Variants in ZNF550 observed in about 807,000 individuals in gnomAD.
ZNF550 encodes zinc finger protein 550.
Under a neutral mutation model 40.2 loss-of-function variants are expected in ZNF550, and 42 were observed. The observed-to-expected ratio is 1.05, with a 90% CI of 0.82 to 1.35. The LOEUF is 1.35. Ranked by LOEUF, ZNF550 falls within the 40% of genes most tolerant of loss-of-function variation. ZNF550 has a pLI of 0.00. For missense variants in ZNF550, 549 were observed against 525.2 expected (o/e 1.05, Z -0.44); for synonymous variants, 223 against 198.6 (o/e 1.12, Z -1.03).
intron 4 of ZNF550, among the ~76,000 whole-genome samples, chr19:57,546,142 G>T (rs2090006989): frequency 6.6e-6 from 1 of 152,044 alleles, no homozygotes; most frequent in South Asian, 2.1e-4. Context: ...ATATAAAAAA[G>T]AAGTGTCACA....
At chr19:57,558,432 C>T (rs1350271427) in intron 1 of ZNF550, among the ~76,000 whole-genome samples, 1 of 152,082 alleles carries the variant, frequency 6.6e-6, no homozygotes, top group Non-Finnish European at 1.5e-5. Context: ...TGATGAGAGT[C>T]CCTATAAGAG....
chr19:57,546,373 C>T (rs1568595894), intron 4 of ZNF550: 1 of 526,262 alleles, frequency 1.9e-6, no homozygotes, highest in Non-Finnish European at 2.4e-6. Flanking sequence ...GGAATAAAAC[C>T]CCTTTACCTC....
At chr19:57,552,813 A>G (rs2090085334) in intron 2 of ZNF550, 91 bp from the exon 3 acceptor site, 2 of 909,754 alleles carry the variant, frequency 2.2e-6, no homozygotes, top group Admixed American at 2.1e-5. Context: ...CAGGGTCCAG[A>G]CATGAATGCA....
chr19:57,556,488 T>A, intron 1 of ZNF550, 131 bp from the exon 2 acceptor site: 2 of 1,201,650 alleles, frequency 1.7e-6, no homozygotes, highest in Non-Finnish European at 2.3e-6. Flanking sequence ...TGGGCTGACT[T>A]CCGTGCAGGG....
At chr19:57,546,916 A>C in exon 4 of ZNF550, 1 of 1,533,564 alleles carries the variant, frequency 6.5e-7, no homozygotes, top group Non-Finnish European at 8.8e-7. Flanking sequence ...TCCCATTATG[A>C]ATGATAAAAT....
At chr19:57,551,478 T>C (rs1278822597) in intron 3 of ZNF550, among the ~76,000 whole-genome samples, 5 of 141,386 alleles carry the variant, frequency 3.5e-5, no homozygotes, top group Non-Finnish European at 4.8e-5. Flanking sequence ...ACTTAGGAGA[T>C]ATGGATCATT....
chr19:57,542,516 A>G (rs994389487), exon 5 of ZNF550: 2 of 152,110 alleles, frequency 1.3e-5, no homozygotes, highest in African/African-American at 2.4e-5. Context: ...AAAATATTAC[A>G]TGGCAGTTAA....
In ZNF550 at chr19:57,559,587, G is replaced by A. The variant is rs538340277; in HGVS notation, c.27+69C>T. Reference sequence around the variant, plus strand: ...GCACTGAGGACGACCCTGAAACGCCGTCCTTCCGCTCGTCGGGCCCGGGAC... The same window carrying A: ...GCACTGAGGACGACCCTGAAACGCCATCCTTCCGCTCGTCGGGCCCGGGAC... On this transcript the variant is annotated intron_variant, in intron 1 of 4. Coordinates refer to ENST00000457177, the Ensembl canonical transcript of ZNF550. The A allele has an allele frequency of 4.6e-5, 65 of 1,402,770 alleles. No homozygotes were observed. In the East Asian group the frequency reaches 1.6e-3, roughly 35 times the overall value. The allele number at this position is 1,402,770 out of a possible 1,614,324, so 86.9% of individuals were successfully genotyped here.
intron 4 of ZNF550, chr19:57,544,568 A>G (rs1340081819): frequency 1.0e-6 from 1 of 985,270 alleles, no homozygotes; most frequent in Non-Finnish European, 1.2e-6. Context: ...CAGGAGAGGA[A>G]ACTGTGCACT....
chr19:57,541,860 A>ATCTT (rs1166335956), exon 5 of ZNF550: 1 of 152,210 alleles, frequency 6.6e-6, no homozygotes, highest in Non-Finnish European at 1.5e-5. Flanking sequence ...AATATGTTTA[A>ATCTT]TCTTTCCAAT....
At chr19:57,547,340 AAGT>A (rs752380837) in exon 4 of ZNF550, 12 of 1,613,278 alleles carry the variant, frequency 7.4e-6, no homozygotes, top group South Asian at 1.1e-5. Flanking sequence ...TGGCGAATAA[AAGT>A]AGACCGGTGG....
upstream of ZNF550, among the ~76,000 whole-genome samples, chr19:57,560,400 G>A (rs2090159433): frequency 6.6e-6 from 1 of 152,226 alleles, no homozygotes; most frequent in South Asian, 2.1e-4. Context: ...TCCAGGGGCC[G>A]TGAGTCCCCG....
exon 5 of ZNF550, chr19:57,543,161 T>C: frequency 1.2e-6 from 1 of 844,416 alleles, no homozygotes; most frequent in Non-Finnish European, 1.4e-6. Flanking sequence ...GCTTCTTTCA[T>C]TTCCTTCGGT....
At chr19:57,545,377 G>C (rs763469444) in intron 4 of ZNF550, among the ~76,000 whole-genome samples, 13 of 152,076 alleles carry the variant, frequency 8.5e-5, no homozygotes, top group Admixed American at 2.0e-4. Flanking sequence ...TATTTTGCCT[G>C]TTTTAGCTAT....
chr19:57,557,150 G>C (rs2090129775), intron 1 of ZNF550: 1 of 151,900 alleles, frequency 6.6e-6, no homozygotes, highest in African/African-American at 2.4e-5. Flanking sequence ...TGCTGACGAG[G>C]ATTCATGAAA....
At chr19:57,556,198 G>A (rs1474840835) in intron 2 of ZNF550, 33 bp downstream of exon 2, 5 of 1,613,570 alleles carry the variant, frequency 3.1e-6, no homozygotes, top group Non-Finnish European at 4.2e-6. Context: ...TCAGGGTTAG[G>A]GTCCTCCTCA....
chr19:57,549,879 A>G (rs1166057738), intron 3 of ZNF550, among the ~76,000 whole-genome samples: 1 of 152,214 alleles, frequency 6.6e-6, no homozygotes, highest in African/African-American at 2.4e-5. Context: ...ACTCAGTTCA[A>G]ATCCTGCCTG....
chr19:57,547,919 C>T, exon 4 of ZNF550: 1 of 1,614,162 alleles, frequency 6.2e-7, no homozygotes, highest in Non-Finnish European at 8.5e-7. Flanking sequence ...GTCAGGCTTC[C>T]CCGGAGAAAG....
intron 4 of ZNF550, chr19:57,543,949 CAAAA>C: frequency 2.0e-6 from 2 of 984,998 alleles, no homozygotes; most frequent in African/African-American, 1.7e-5. Flanking sequence ...AAAAACAAAA[CAAAA>C]AACATGTTTT....
Sources: allele counts gnomAD v4.1 joint callset (sites outside exome capture counted in the v4.1 genomes callset), GRCh38; gene constraint gnomAD v4.1.1; transcripts MANE v1.5; gene names NCBI Gene and HGNC (gene_info 2026-07-23, HGNC 2026-07-21).